The following FAM184B variants were observed in gnomAD, a reference collection of about 807,000 sequenced individuals.
FAM184B encodes family with sequence similarity 184 member B, also known as protein FAM184B.
FAM184B carries 111 observed loss-of-function variants against 135.9 expected under a neutral mutation model. The observed-to-expected ratio is 0.82, with a 90% CI of 0.70 to 0.96. FAM184B has a LOEUF of 0.96. FAM184B is among the 40% of genes least tolerant of loss of function. The probability of loss-of-function intolerance (pLI) is 0.00; values close to 1 mark genes in which losing one functional copy is unlikely to be tolerated. For missense variants in FAM184B, 1,375 were observed against 1,323.9 expected, an observed-to-expected ratio of 1.04 and a Z score of -0.60; for synonymous variants, 552 against 524.8, an observed-to-expected ratio of 1.05 and a Z score of -0.71.
chr4:17,764,430 T>G (rs1265477162), intron 1 of FAM184B, among the ~76,000 whole-genome samples: 1 of 152,166 alleles, frequency 6.6e-6, no homozygotes, highest in East Asian at 1.9e-4. Context: ...TCTCATATGT[T>G]TTGCATCTCT....
chr4:17,717,722 C>G (rs545168623), intron 1 of FAM184B, among the ~76,000 whole-genome samples: 2 of 151,806 alleles, frequency 1.3e-5, no homozygotes, highest in Admixed American at 6.6e-5. Flanking sequence ...TAATTAATGG[C>G]TTTTAAGCAT....
chr4:17,644,358 C>T (rs890588491), intron 12 of FAM184B, among the ~76,000 whole-genome samples: 40 of 152,208 alleles, frequency 2.6e-4, no homozygotes, highest in Non-Finnish European at 4.9e-4. Context: ...CAAACCAAAT[C>T]CAGCAGCACA....
Position 17,688,438 on chromosome 4 carries a change from T to A in FAM184B, c.1582A>T (p.Ile528Phe), listed in dbSNP as rs1024982309. 1 of 1,549,672 alleles carries A rather than the reference T, an allele frequency of 6.5e-7. No individual in the cohort carries two copies. The highest frequency in any genetic ancestry group is 1.4e-5 in the African/African-American group (1 of 72,848). ...CTGGAGGTTACCTGGGTCTCCAGAA[T>A]GCTGCAGTGCTGGCGGCCTAATTCC... is the stretch of plus-strand genomic sequence containing the variant. The part of the protein sequence containing the change: ...PQELGRQHCS[I>F]LETQDPCLKL... The change falls in exon 7 of 18, where the codon ATT (isoleucine) becomes TTT (phenylalanine). Residue 528 changes from isoleucine (I) to phenylalanine (F), a missense_variant. Transcript: ENST00000265018.
chr4:17,713,899 G>A (rs1258316213), intron 1 of FAM184B, among the ~76,000 whole-genome samples: 1 of 152,150 alleles, frequency 6.6e-6, no homozygotes, highest in African/African-American at 2.4e-5. Flanking sequence ...ACAAGAAAAT[G>A]GAAAGTTTCA....
At position 17,652,087 on chromosome 4, in the gene FAM184B, C is replaced by T. The variant is rs574926539; in HGVS notation, c.2191+743G>A. 1.3e-4 allele frequency among the ~76,000 whole-genome samples: 20 copies of T among 151,088 alleles called. No homozygotes were observed. In the East Asian group the frequency reaches 3.9e-3, roughly 29 times the overall value. ...TGATGATAATGATAGTATCTACATT[C>T]ACTGGGCTCCTGTTATATGCTAGAC... On this transcript the variant is annotated intron_variant, in intron 11 of 17. Transcript: ENST00000265018.
At chr4:17,685,312 A>T (rs766038835) in intron 7 of FAM184B, among the ~76,000 whole-genome samples, 5 of 151,066 alleles carry the variant, frequency 3.3e-5, no homozygotes, top group Non-Finnish European at 7.4e-5. Context: ...GCACTTTGGG[A>T]GGCCGAGGCA....
rs1717192072 is a variant in FAM184B at position 17,709,261 on chromosome 4, C to T, written c.525G>A (p.Arg175=). Residue 175 remains arginine (R), a synonymous_variant, in exon 2 of 18, where the codon CGG becomes CGA. Transcript: ENST00000265018. ...LTSHEATPQG[R]LPQESPETKS... ...TGGTTTCAGGGCTCTCCTGGGGCAG[C>T]CGGCCCTGCGGGGTAGCCTCGTGGC... 2 of 1,546,786 alleles carry T rather than the reference C, an allele frequency of 1.3e-6. No individual in the cohort carries two copies. The highest frequency in any genetic ancestry group is 2.4e-5 in the South Asian group (2 of 83,644).
intron 1 of FAM184B, among the ~76,000 whole-genome samples, chr4:17,733,909 C>G (rs534202958): frequency 6.5e-4 from 99 of 152,244 alleles, no homozygotes; most frequent in Non-Finnish European, 1.1e-3. Context: ...GGAGGCATCA[C>G]GCTACCTGAC....
chr4:17,764,737 T>C (rs186617082), intron 1 of FAM184B, among the ~76,000 whole-genome samples: 252 of 148,266 alleles, frequency 1.7e-3, no homozygotes, highest in African/African-American at 6.4e-3. Flanking sequence ...AGATTTGTTG[T>C]AGTCTGCAGC....
intron 8 of FAM184B, among the ~76,000 whole-genome samples, chr4:17,663,032 C>A (rs945131678): frequency 2.6e-5 from 4 of 152,138 alleles, no homozygotes; most frequent in African/African-American, 9.7e-5. Context: ...ACCTTCCAGG[C>A]TCAAGCAATC....
chr4:17,735,227 T>C (rs1209249956), intron 1 of FAM184B, among the ~76,000 whole-genome samples: 3 of 152,044 alleles, frequency 2.0e-5, no homozygotes, highest in Non-Finnish European at 4.4e-5. Flanking sequence ...ATATACCTAA[T>C]GCTAAATGAC....
intron 10 of FAM184B, among the ~76,000 whole-genome samples, chr4:17,657,829 G>A (rs901432627): frequency 6.6e-6 from 1 of 151,846 alleles, no homozygotes; most frequent in Non-Finnish European, 1.5e-5. Context: ...GTTAATTTTT[G>A]TATTTTTAGT....
intron 1 of FAM184B, among the ~76,000 whole-genome samples, chr4:17,730,603 C>A (rs985060902): frequency 2.6e-5 from 4 of 152,014 alleles, no homozygotes; most frequent in African/African-American, 9.7e-5. Context: ...AGAGTGGGGG[C>A]CAATATTCAA....
intron 13 of FAM184B, 30 bp downstream of exon 13, chr4:17,642,026 C>T (rs759952411): frequency 2.0e-6 from 3 of 1,505,162 alleles, no homozygotes; most frequent in South Asian, 1.2e-5. Flanking sequence ...GTGAGGGTGG[C>T]GCGGTGGCGG....
At chr4:17,674,445 G>A (rs1716264963) in intron 7 of FAM184B, among the ~76,000 whole-genome samples, 1 of 152,112 alleles carries the variant, frequency 6.6e-6, no homozygotes, top group South Asian at 2.1e-4. Context: ...TCAGTGTATT[G>A]TAATCTTTTT....
intron 1 of FAM184B, among the ~76,000 whole-genome samples, chr4:17,752,047 T>C (rs115767551): frequency 0.014 from 2,196 of 151,582 alleles, 24 homozygotes; most frequent in South Asian, 0.023. Flanking sequence ...GGGAAGCAGA[T>C]GAATTCCAAG....
intron 1 of FAM184B, among the ~76,000 whole-genome samples, chr4:17,777,176 A>G (rs1718944978): frequency 6.6e-6 from 1 of 152,228 alleles, no homozygotes; most frequent in Non-Finnish European, 1.5e-5. Context: ...AATAAGTAAT[A>G]AAAAGGAACG....
intron 1 of FAM184B, among the ~76,000 whole-genome samples, chr4:17,772,880 T>C (rs1220883723): frequency 6.6e-6 from 1 of 152,206 alleles, no homozygotes; most frequent in Admixed American, 6.5e-5. Flanking sequence ...AATGTGTGCT[T>C]CTATAGGCAG....
At chr4:17,687,897 G>A (rs1307544709) in intron 7 of FAM184B, among the ~76,000 whole-genome samples, 2 of 152,252 alleles carry the variant, frequency 1.3e-5, no homozygotes, top group African/African-American at 4.8e-5. Context: ...CAAGTACATG[G>A]TCATTCGTTA....
Sources: gnomAD v4.1 joint callset for allele counts (sites outside exome capture counted in the v4.1 genomes callset) on GRCh38, gnomAD v4.1.1 for gene constraint, MANE v1.5 for transcripts, NCBI Gene and HGNC (gene_info 2026-07-23, HGNC 2026-07-21) for gene names.